The following TEX26 variants were observed in gnomAD, a reference collection of about 807,000 sequenced individuals.
TEX26 encodes testis expressed 26.
A neutral mutation model predicts 35.3 loss-of-function variants in TEX26; 34 were observed. The observed-to-expected ratio is 0.96, with a 90% CI of 0.73 to 1.28. TEX26 has a LOEUF of 1.28. Among genes scored for constraint, TEX26 ranks in the 50% most tolerant of loss-of-function variants. TEX26 has a pLI of 0.00. For missense variants in TEX26, 371 were observed against 330.1 expected, an observed-to-expected ratio of 1.12 and a Z score of -0.96; for synonymous variants, 136 against 111.8, an observed-to-expected ratio of 1.22 and a Z score of -1.36.
chr13:30,946,382 C>T (rs1044544113), intron 2 of TEX26, among the ~76,000 whole-genome samples: 1 of 151,712 alleles, frequency 6.6e-6, no homozygotes, highest in African/African-American at 2.4e-5. Flanking sequence ...TGGTTTTCAC[C>T]TTCTTCCGGT....
chr13:30,933,649 A>G (rs956993586), intron 1 of TEX26: 15 of 149,808 alleles, frequency 1.0e-4, no homozygotes, highest in African/African-American at 3.7e-4. Context: ...TTGTAAATTA[A>G]GAATGGAAAA....
intron 1 of TEX26, among the ~76,000 whole-genome samples, chr13:30,935,509 A>T (rs1305509152): frequency 6.6e-6 from 1 of 152,230 alleles, no homozygotes; most frequent in Non-Finnish European, 1.5e-5. Context: ...AGGGAGAGAC[A>T]AGGGAACCCC....
chr13:30,932,916 G>C, intron 1 of TEX26, 140 bp downstream of exon 1: 2 of 874,538 alleles, frequency 2.3e-6, no homozygotes, highest in South Asian at 4.3e-5. Context: ...GAAAAGACGG[G>C]GAGTCAGGGA....
intron 4 of TEX26, among the ~76,000 whole-genome samples, chr13:30,958,400 G>A (rs1014452470): frequency 6.6e-6 from 1 of 152,226 alleles, no homozygotes; most frequent in African/African-American, 2.4e-5. Context: ...ACACACGCTG[G>A]TGCATGGCTC....
intron 1 of TEX26, chr13:30,933,573 A>C (rs1953154166): frequency 6.6e-6 from 1 of 152,252 alleles, no homozygotes; most frequent in Non-Finnish European, 1.5e-5. Flanking sequence ...GTTCAAGTAC[A>C]AATTCCCTAG....
rs1555271792 is a variant in TEX26, at chr13:30,974,131, A to ATAT, written c.809-715_809-714insTAT. On this transcript the variant is annotated intron_variant, in intron 6 of 6. Transcript: ENST00000380473. ...GTGAGCCTCCATCTAAAAAAAAAAAAATATATATATATATATATATATATA... is the reference window on the plus strand; with the variant it reads ...GTGAGCCTCCATCTAAAAAAAAAAAATATATATATATATATATATATATATATA... 3.9e-3 allele frequency among the ~76,000 whole-genome samples: 332 copies of ATAT among 84,410 alleles called. 4 individuals carry two copies. Among genetic ancestry groups the ATAT allele is most frequent in the East Asian group, 0.022 (71 of 3,190 alleles). 55.4% of individuals were successfully genotyped at this position (84,410 alleles called of 152,430 possible). A position where few individuals can be genotyped will look rare whatever the true frequency, so the allele number is the denominator to read the frequency against.
chr13:30,950,694 C>G (rs1953887992), intron 2 of TEX26, among the ~76,000 whole-genome samples: 1 of 152,050 alleles, frequency 6.6e-6, no homozygotes, highest in African/African-American at 2.4e-5. Context: ...ACCTAGTACC[C>G]TGGGTATAGC....
intron 2 of TEX26, among the ~76,000 whole-genome samples, chr13:30,941,459 T>C (rs980695123): frequency 6.6e-6 from 1 of 152,226 alleles, no homozygotes; most frequent in African/African-American, 2.4e-5. Context: ...TATATATTTA[T>C]AAACTTCTCA....
intron 2 of TEX26, among the ~76,000 whole-genome samples, chr13:30,948,634 A>T (rs1033651109): frequency 1.3e-5 from 2 of 152,056 alleles, no homozygotes; most frequent in East Asian, 3.9e-4. Flanking sequence ...TAGATTCTGG[A>T]TATTAGCCCT....
At chr13:30,937,274 G>A (rs149830825) in intron 1 of TEX26, among the ~76,000 whole-genome samples, 449 of 152,300 alleles carry the variant, frequency 2.9e-3, no homozygotes, top group Non-Finnish European at 5.4e-3. Flanking sequence ...CTAGATGGGC[G>A]GGAACACAGA....
chr13:30,955,565 T>C (rs1423855524), intron 3 of TEX26, among the ~76,000 whole-genome samples: 1 of 152,218 alleles, frequency 6.6e-6, no homozygotes, highest in South Asian at 2.1e-4. Context: ...TACCTAACTA[T>C]TTTGAAGAAT....
chr13:30,940,576 G>C (rs1358641620), intron 2 of TEX26, among the ~76,000 whole-genome samples: 1 of 151,838 alleles, frequency 6.6e-6, no homozygotes, highest in African/African-American at 2.4e-5. Flanking sequence ...CTTGTGATCC[G>C]CCCGCCTCGG....
rs747395971 is a variant in TEX26, at chr13:30,966,378, C to G, written c.626C>G (p.Pro209Arg). The G allele has an allele frequency of 1.2e-6, 2 of 1,612,894 alleles. No individual in the cohort carries two copies. Among genetic ancestry groups the G allele is most frequent in the African/African-American group, 2.7e-5 (2 of 74,664 alleles). The change falls in exon 5 of 7, where the codon CCT (proline) becomes CGT (arginine). Residue 209 changes from proline (P) to arginine (R), a missense_variant. By Grantham distance (103) the Pro-to-Arg change is moderately radical. Transcript: ENST00000380473. ...SFKYGCYSSL[P>R]VASQGLVPSV... ...AAATATGGATGCTACTCAAGCTTGCCTGTTGCTTCTCAGGGTCTAGGTGAG... is the reference window on the plus strand; with the variant it reads ...AAATATGGATGCTACTCAAGCTTGCGTGTTGCTTCTCAGGGTCTAGGTGAG...
At chr13:30,974,564 G>A (rs1320599697) in intron 6 of TEX26, among the ~76,000 whole-genome samples, 1 of 152,096 alleles carries the variant, frequency 6.6e-6, no homozygotes, top group Non-Finnish European at 1.5e-5. Context: ...GCTAACAACT[G>A]CCAGCACAGA....
In TEX26 at chr13:30,967,760, T is replaced by A. The variant is rs148014263; in HGVS notation, c.647-1125T>A. Among the ~76,000 whole-genome samples, 746 of 152,324 alleles carry A rather than the reference T, an allele frequency of 4.9e-3. 6 individuals are homozygous for A. The highest frequency in any genetic ancestry group is 0.017 in the African/African-American group (722 of 41,566). On this transcript the variant is annotated intron_variant, in intron 5 of 6. Transcript: ENST00000380473. ...CATCGTGATTCTATTATTTTTTTCA[T>A]GATAGTTTCTGGAATATTAGAACTC...
intron 3 of TEX26, among the ~76,000 whole-genome samples, chr13:30,955,153 A>T (rs568907967): frequency 6.6e-6 from 1 of 152,334 alleles, no homozygotes; most frequent in East Asian, 1.9e-4. Context: ...ATACACTAAC[A>T]CTAATGATAG....
chr13:30,946,451 T>C (rs1313800930), intron 2 of TEX26, among the ~76,000 whole-genome samples: 2 of 152,116 alleles, frequency 1.3e-5, no homozygotes, highest in African/African-American at 2.4e-5. Context: ...ACTTCAAAGA[T>C]TTCATTTTAG....
chr13:30,974,119 TA>T (rs747590592), intron 6 of TEX26, among the ~76,000 whole-genome samples: 44 of 74,386 alleles, frequency 5.9e-4, no homozygotes, highest in Middle Eastern at 7.9e-3. Context: ...AGCCTCCATC[TA>T]AAAAAAAAAA....
chr13:30,956,125 A>T (rs1337959143), intron 3 of TEX26, among the ~76,000 whole-genome samples: 7 of 150,628 alleles, frequency 4.6e-5, no homozygotes, highest in Non-Finnish European at 8.9e-5. Flanking sequence ...TTAACTAGTC[A>T]TTTAGCATTA....
Sources: allele counts gnomAD v4.1 joint callset (sites outside exome capture counted in the v4.1 genomes callset), GRCh38; gene constraint gnomAD v4.1.1; transcripts MANE v1.5; gene names NCBI Gene and HGNC (gene_info 2026-07-23, HGNC 2026-07-21).